MAPK4: variants seen among roughly 807,000 people sequenced by gnomAD.
MAPK4 encodes mitogen-activated protein kinase 4.
In MAPK4, 22 loss-of-function variants were observed where a neutral mutation model predicts 47.7. The observed-to-expected ratio is 0.46, with a 90% CI of 0.33 to 0.66. The LOEUF (loss-of-function observed/expected upper bound fraction) is 0.66. Ranked by LOEUF, MAPK4 falls within the 30% of genes least tolerant of loss-of-function variation. The pLI is 0.02. For missense variants in MAPK4, 736 were observed against 831.7 expected, an observed-to-expected ratio of 0.88 and a Z score of 1.42; for synonymous variants, 390 against 365.7, an observed-to-expected ratio of 1.07 and a Z score of -0.76.
chr18:50,675,493 T>C (rs556739849), intron 2 of MAPK4, among the ~76,000 whole-genome samples: 1 of 151,782 alleles, frequency 6.6e-6, no homozygotes, highest in Non-Finnish European at 1.5e-5. Flanking sequence ...ATTTTGTTTT[T>C]ATTTATTTAT....
chr18:50,634,904 C>T (rs754469651), intron 1 of MAPK4, among the ~76,000 whole-genome samples: 1 of 152,172 alleles, frequency 6.6e-6, no homozygotes, highest in Non-Finnish European at 1.5e-5. Context: ...CAGTGGTGCT[C>T]AATCCTGACT....
At chr18:50,593,946 G>A (rs2042460018) in intron 1 of MAPK4, among the ~76,000 whole-genome samples, 1 of 152,208 alleles carries the variant, frequency 6.6e-6, no homozygotes, top group South Asian at 2.1e-4. Flanking sequence ...GAAGAAAGAA[G>A]CCAGTAGTGG....
intron 1 of MAPK4, among the ~76,000 whole-genome samples, chr18:50,660,905 GACC>G (rs2043164451): frequency 1.3e-5 from 2 of 152,310 alleles, no homozygotes; most frequent in South Asian, 2.1e-4. Flanking sequence ...ATATTGGGAA[GACC>G]ACTGAAAAAG....
rs544492441 is a variant in MAPK4 at position 50,692,379 on chromosome 18, C to T, written c.547-22700C>T. Among the ~76,000 whole-genome samples, 10 of 152,206 alleles carry T rather than the reference C, an allele frequency of 6.6e-5. No homozygotes were observed. The South Asian group carries it at 1.9e-3, about 28-fold the overall frequency. Reference sequence around the variant, plus strand: ...CTGCATTCTTTGTAGGACAGAATTTCGACATTCAGGATCAAGCAGGGCCTC... The same window carrying T: ...CTGCATTCTTTGTAGGACAGAATTTTGACATTCAGGATCAAGCAGGGCCTC... On this transcript the variant is annotated intron_variant, in intron 2 of 5. Coordinates refer to ENST00000400384, the MANE Select transcript of MAPK4 (RefSeq NM_002747.4).
intron 1 of MAPK4, among the ~76,000 whole-genome samples, chr18:50,661,087 C>T (rs1009338504): frequency 7.2e-5 from 11 of 152,180 alleles, no homozygotes; most frequent in Non-Finnish European, 1.0e-4. Context: ...GGTGCTCATT[C>T]CTCTCTCTGT....
intron 1 of MAPK4, among the ~76,000 whole-genome samples, chr18:50,655,488 C>T (rs933546029): frequency 2.0e-5 from 3 of 152,122 alleles, no homozygotes; most frequent in African/African-American, 7.2e-5. Flanking sequence ...ATCAGGGTTT[C>T]TGCAAAGGAA....
chr18:50,691,237 G>A (rs182988883), intron 2 of MAPK4, among the ~76,000 whole-genome samples: 246 of 152,134 alleles, frequency 1.6e-3, no homozygotes, highest in African/African-American at 5.6e-3. Flanking sequence ...CAAGCAATCC[G>A]CCCGCCTTGG....
At chr18:50,576,308 TAAG>T (rs2042297020) in intron 1 of MAPK4, among the ~76,000 whole-genome samples, 1 of 152,160 alleles carries the variant, frequency 6.6e-6, no homozygotes, top group Non-Finnish European at 1.5e-5. Flanking sequence ...TATGCAGCCA[TAAG>T]AAGAACAAGG....
At chr18:50,628,768 A>G (rs976800840) in intron 1 of MAPK4, among the ~76,000 whole-genome samples, 18 of 120,226 alleles carry the variant, frequency 1.5e-4, no homozygotes, top group South Asian at 8.2e-4. Context: ...GCATCACTCA[A>G]TGGTGCCAGG....
chr18:50,596,404 TA>T (rs1047409355), intron 1 of MAPK4, among the ~76,000 whole-genome samples: 1 of 152,162 alleles, frequency 6.6e-6, no homozygotes. Flanking sequence ...CCTCTTACAA[TA>T]GCATGAGCCT....
chr18:50,628,470 G>A (rs1032181313), intron 1 of MAPK4, among the ~76,000 whole-genome samples: 2 of 152,176 alleles, frequency 1.3e-5, no homozygotes, highest in African/African-American at 2.4e-5. Flanking sequence ...TTGGGGGCCC[G>A]TTAAGCACAC....
chr18:50,647,971 A>G (rs1482565187), intron 1 of MAPK4, among the ~76,000 whole-genome samples: 1 of 151,982 alleles, frequency 6.6e-6, no homozygotes, highest in Non-Finnish European at 1.5e-5. Flanking sequence ...ATCATTTTTT[A>G]TTCATCAACT....
intron 1 of MAPK4, among the ~76,000 whole-genome samples, chr18:50,577,464 G>T (rs541599443): frequency 1.3e-5 from 2 of 152,258 alleles, no homozygotes; most frequent in Admixed American, 1.3e-4. Flanking sequence ...CAGAGACTAG[G>T]GTTTAATTGG....
chr18:50,673,538 T>A (rs1908085122), intron 2 of MAPK4, among the ~76,000 whole-genome samples: 1 of 152,196 alleles, frequency 6.6e-6, no homozygotes, highest in Non-Finnish European at 1.5e-5. Context: ...TTCTCATGTT[T>A]AAAGTTTATT....
intron 2 of MAPK4, among the ~76,000 whole-genome samples, chr18:50,695,782 A>C (rs944323491): frequency 6.6e-6 from 1 of 152,226 alleles, no homozygotes; most frequent in African/African-American, 2.4e-5. Context: ...GAAACCATCA[A>C]AGTCTCTATC....
At chr18:50,569,943 T>A (rs541402267) in intron 1 of MAPK4, among the ~76,000 whole-genome samples, 3 of 152,382 alleles carry the variant, frequency 2.0e-5, no homozygotes, top group Non-Finnish European at 2.9e-5. Flanking sequence ...CTCTTTCTTT[T>A]CTCACATCTT....
intron 1 of MAPK4, among the ~76,000 whole-genome samples, chr18:50,600,342 C>A (rs533805517): frequency 6.6e-6 from 1 of 152,332 alleles, no homozygotes; most frequent in South Asian, 2.1e-4. Flanking sequence ...GGGAAACTAA[C>A]CGACACATAG....
At chr18:50,614,498 A>G (rs1229950876) in intron 1 of MAPK4, among the ~76,000 whole-genome samples, 1 of 152,156 alleles carries the variant, frequency 6.6e-6, no homozygotes, top group Non-Finnish European at 1.5e-5. Flanking sequence ...ACTTATTTGA[A>G]TCATATTTTT....
chr18:50,582,031 G>A (rs928556142), intron 1 of MAPK4, among the ~76,000 whole-genome samples: 9 of 152,174 alleles, frequency 5.9e-5, no homozygotes, highest in Non-Finnish European at 1.2e-4. Context: ...TCCTTCCACT[G>A]GGCCTCAGAT....
Sources: allele counts gnomAD v4.1 joint callset (sites outside exome capture counted in the v4.1 genomes callset), GRCh38; gene constraint gnomAD v4.1.1; transcripts MANE v1.5; gene names NCBI Gene and HGNC (gene_info 2026-07-23, HGNC 2026-07-21).